The following ATXN1 variants were observed in gnomAD, a reference collection of about 807,000 sequenced individuals.
ATXN1 encodes the protein ataxin-1.
A neutral mutation model predicts 56.4 loss-of-function variants in ATXN1; 8 were observed. The ratio of observed to expected loss-of-function variants is 0.14; its 90% CI spans 0.08 to 0.26. The LOEUF (loss-of-function observed/expected upper bound fraction) is 0.26. ATXN1 is among the 10% of genes least tolerant of loss of function. The pLI, the probability that ATXN1 is intolerant of heterozygous loss-of-function variation, is 1.00. For missense variants in ATXN1, 987 were observed against 1,106.5 expected (o/e 0.89, Z 1.53); for synonymous variants, 514 against 494.6 (o/e 1.04, Z -0.52).
chr6:16,629,171 C>G (rs1335679921), intron 3 of ATXN1, among the ~76,000 whole-genome samples: 1 of 152,172 alleles, frequency 6.6e-6, no homozygotes, highest in East Asian at 1.9e-4. Flanking sequence ...GCCATTCTGA[C>G]TGGTATGAGA....
chr6:16,388,378 C>CA (rs1188455917), intron 6 of ATXN1, among the ~76,000 whole-genome samples: 1 of 152,072 alleles, frequency 6.6e-6, no homozygotes, highest in Non-Finnish European at 1.5e-5. Context: ...TGAAATTCCT[C>CA]AAAAAAACTG....
chr6:16,683,781 C>T (rs1179949785), intron 2 of ATXN1, among the ~76,000 whole-genome samples: 1 of 152,214 alleles, frequency 6.6e-6, no homozygotes, highest in Non-Finnish European at 1.5e-5. Flanking sequence ...GCTCTGCCGC[C>T]ACCATGGGTA....
intron 6 of ATXN1, among the ~76,000 whole-genome samples, chr6:16,338,379 G>C (rs563663307): frequency 9.4e-4 from 143 of 152,268 alleles, no homozygotes; most frequent in African/African-American, 3.3e-3. Context: ...TGTAGTCCCA[G>C]CTACGAGGGA....
At chr6:16,698,917 T>C (rs367695427) in intron 2 of ATXN1, among the ~76,000 whole-genome samples, 1 of 152,230 alleles carries the variant, frequency 6.6e-6, no homozygotes, top group African/African-American at 2.4e-5. Context: ...TATTTAATAA[T>C]ACCTGCTTTT....
intron 6 of ATXN1, among the ~76,000 whole-genome samples, chr6:16,427,500 C>G (rs1759182259): frequency 6.6e-6 from 1 of 152,208 alleles, no homozygotes; most frequent in Non-Finnish European, 1.5e-5. Context: ...GACACACACT[C>G]ACATTCATAA....
rs150253410 is a variant in ATXN1, at chr6:16,747,750, ATCTTTC to A, written c.-615+5477_-615+5482del. On this transcript the variant is annotated intron_variant, in intron 2 of 7. Transcript: ENST00000436367. ...TCCCTAAGCCAGCTAAGAGAAAGTG[ATCTTTC>A]TTCTCTATCATCTTGACATGAATGA... 3.2e-3 allele frequency among the ~76,000 whole-genome samples: 487 copies of A among 152,224 alleles called. 3 individuals are homozygous for A. Among genetic ancestry groups the A allele is most frequent in the African/African-American group, 0.011 (475 of 41,532 alleles).
chr6:16,571,835 A>AT (rs1561760424), intron 4 of ATXN1, among the ~76,000 whole-genome samples: 13 of 151,802 alleles, frequency 8.6e-5, no homozygotes, highest in Non-Finnish European at 1.5e-5. Flanking sequence ...TAAGTTTTAA[A>AT]TTTTTTTTGT....
chr6:16,363,101 C>G (rs1761846799), intron 6 of ATXN1, among the ~76,000 whole-genome samples: 1 of 152,206 alleles, frequency 6.6e-6, no homozygotes. Flanking sequence ...CATGTTATTT[C>G]ACCCCAACAG....
chr6:16,705,680 A>G (rs907117817), intron 2 of ATXN1, among the ~76,000 whole-genome samples: 10 of 152,070 alleles, frequency 6.6e-5, no homozygotes, highest in Non-Finnish European at 1.5e-4. Context: ...TCCAAACTCC[A>G]TGAGAACAAG....
intron 6 of ATXN1, among the ~76,000 whole-genome samples, chr6:16,469,209 A>T (rs1760168928): frequency 6.6e-6 from 1 of 152,232 alleles, no homozygotes; most frequent in Non-Finnish European, 1.5e-5. Context: ...AGGGCCTGAA[A>T]AACCAACAGC....
chr6:16,412,665 C>G (rs547672903), intron 6 of ATXN1, among the ~76,000 whole-genome samples: 1 of 152,198 alleles, frequency 6.6e-6, no homozygotes, highest in Non-Finnish European at 1.5e-5. Context: ...TCCTAGGATG[C>G]CCTCACCCAC....
chr6:16,491,824 A>G (rs1363494730), intron 5 of ATXN1, among the ~76,000 whole-genome samples: 1 of 152,150 alleles, frequency 6.6e-6, no homozygotes, highest in Non-Finnish European at 1.5e-5. Context: ...AGAGAACCCT[A>G]AAAGGGATGG....
chr6:16,613,398 T>C (rs1199559224), intron 3 of ATXN1, among the ~76,000 whole-genome samples: 1 of 151,746 alleles, frequency 6.6e-6, no homozygotes, highest in East Asian at 1.9e-4. Context: ...AAAAATAAGA[T>C]TGACTTACTG....
intron 4 of ATXN1, among the ~76,000 whole-genome samples, chr6:16,526,547 C>T (rs1253198518): frequency 6.6e-6 from 1 of 152,096 alleles, no homozygotes; most frequent in East Asian, 1.9e-4. Flanking sequence ...GGTGGATTAC[C>T]TGAGGTCAGG....
At chr6:16,336,690 G>A (rs1396108669) in intron 6 of ATXN1, among the ~76,000 whole-genome samples, 2 of 152,144 alleles carry the variant, frequency 1.3e-5, no homozygotes, top group African/African-American at 4.8e-5. Context: ...AGGCTCCCCT[G>A]AGTCCGTGGC....
chr6:16,663,538 A>C (rs1415315890), intron 2 of ATXN1, among the ~76,000 whole-genome samples: 1 of 152,208 alleles, frequency 6.6e-6, no homozygotes, highest in East Asian at 1.9e-4. Context: ...ACAAATTTAG[A>C]ATGGCACTGT....
At chr6:16,382,113 G>C (rs1021240758) in intron 6 of ATXN1, among the ~76,000 whole-genome samples, 1 of 152,120 alleles carries the variant, frequency 6.6e-6, no homozygotes, top group Admixed American at 6.6e-5. Context: ...GGAGGCCAAG[G>C]CAGGAGGATC....
rs1458503961 is a variant in ATXN1 at position 16,329,115 on chromosome 6, T to C, written c.-160-645A>G. Among the ~76,000 whole-genome samples the C allele has an allele frequency of 6.6e-5, 10 of 152,252 alleles. No homozygotes were observed. In the East Asian group the frequency reaches 1.4e-3, roughly 21 times the overall value. ...CTGTTTTTTTTTCTCCTTTTCTTCTTCAAGGGCAGATGATGCAGTTCTTAA... is the reference window on the plus strand; with the variant it reads ...CTGTTTTTTTTTCTCCTTTTCTTCTCCAAGGGCAGATGATGCAGTTCTTAA... On this transcript the variant is annotated intron_variant, in intron 6 of 7. Transcript: ENST00000436367.
At chr6:16,347,192 G>C (rs1237391273) in intron 6 of ATXN1, among the ~76,000 whole-genome samples, 7 of 152,356 alleles carry the variant, frequency 4.6e-5, no homozygotes, top group Non-Finnish European at 8.8e-5. Context: ...ACAGCGCCCA[G>C]TCCCATCGAC....
Sources: allele counts gnomAD v4.1 joint callset (sites outside exome capture counted in the v4.1 genomes callset), GRCh38; gene constraint gnomAD v4.1.1; transcripts MANE v1.5; gene names NCBI Gene and HGNC (gene_info 2026-07-23, HGNC 2026-07-21).